Variants in DYNC1I1 observed in about 807,000 individuals in gnomAD.
DYNC1I1 encodes the protein dynein cytoplasmic 1 intermediate chain 1.
Under a neutral mutation model 86.6 loss-of-function variants are expected in DYNC1I1, and 43 were observed. That is an observed-to-expected ratio of 0.50 (90% CI 0.39 to 0.64). The LOEUF (loss-of-function observed/expected upper bound fraction) is 0.64, where lower values mean the gene tolerates loss of function less well. DYNC1I1 is among the 30% of genes least tolerant of loss of function. DYNC1I1 has a pLI of 0.00. For missense variants in DYNC1I1, 604 were observed against 788.8 expected (o/e 0.77, Z 2.81); for synonymous variants, 262 against 283.7 (o/e 0.92, Z 0.77).
chr7:95,829,517 A>G (rs1203220334), intron 5 of DYNC1I1, among the ~76,000 whole-genome samples: 1 of 152,178 alleles, frequency 6.6e-6, no homozygotes, highest in Non-Finnish European at 1.5e-5. Context: ...CAGTTCTTCA[A>G]AATTATATTG....
At chr7:96,029,741 T>C (rs1308656584) in intron 11 of DYNC1I1, among the ~76,000 whole-genome samples, 3 of 151,998 alleles carry the variant, frequency 2.0e-5, no homozygotes, top group Non-Finnish European at 4.4e-5. Context: ...AGAAACGCTG[T>C]CTCTACTAAA....
At chr7:96,075,906 C>T in intron 14 of DYNC1I1, 151 bp from the exon 15 acceptor site, 1 of 1,066,836 alleles carries the variant, frequency 9.4e-7, no homozygotes, top group Non-Finnish European at 1.3e-6. Context: ...CAGTTCTAGT[C>T]ACATTAAAGC....
At chr7:95,997,430 A>G (rs566138643) in intron 10 of DYNC1I1, among the ~76,000 whole-genome samples, 1 of 152,282 alleles carries the variant, frequency 6.6e-6, no homozygotes, top group South Asian at 2.1e-4. Context: ...AAATCCAACA[A>G]TAATACATTA....
intron 10 of DYNC1I1, among the ~76,000 whole-genome samples, chr7:96,019,086 A>C (rs972266377): frequency 3.3e-5 from 5 of 152,144 alleles, no homozygotes; most frequent in Non-Finnish European, 7.4e-5. Context: ...GTATATATCT[A>C]TGGTATACAA....
At chr7:95,981,281 A>C (rs1793451683) in intron 7 of DYNC1I1, among the ~76,000 whole-genome samples, 1 of 152,156 alleles carries the variant, frequency 6.6e-6, no homozygotes, top group Non-Finnish European at 1.5e-5. Context: ...AGAAACTGAC[A>C]AAGTATACAT....
chr7:95,883,951 GC>G (rs1207152547), intron 6 of DYNC1I1, among the ~76,000 whole-genome samples: 1 of 151,866 alleles, frequency 6.6e-6, no homozygotes, highest in African/African-American at 2.4e-5. Context: ...AAGATTTTTT[GC>G]ATTTTTGAAT....
At chr7:95,908,636 G>T (rs576724337) in intron 6 of DYNC1I1, among the ~76,000 whole-genome samples, 1 of 152,124 alleles carries the variant, frequency 6.6e-6, no homozygotes, top group Non-Finnish European at 1.5e-5. Context: ...GGCGAGGGGT[G>T]GGGGTTCATC....
chr7:95,836,846 G>A (rs569208373), intron 5 of DYNC1I1, among the ~76,000 whole-genome samples: 1 of 151,878 alleles, frequency 6.6e-6, no homozygotes, highest in African/African-American at 2.4e-5. Flanking sequence ...TCTCTGTATT[G>A]GTTATTCTAG....
chr7:96,070,847 T>A (rs747183855), intron 14 of DYNC1I1, among the ~76,000 whole-genome samples: 3 of 152,222 alleles, frequency 2.0e-5, no homozygotes, highest in Non-Finnish European at 4.4e-5. Flanking sequence ...TCTCTAGATT[T>A]AACTTTGGCA....
At chr7:95,871,491 T>C (rs1380401144) in intron 6 of DYNC1I1, among the ~76,000 whole-genome samples, 1 of 152,202 alleles carries the variant, frequency 6.6e-6, no homozygotes, top group Non-Finnish European at 1.5e-5. Flanking sequence ...AAACATTTGT[T>C]TGACTTAATT....
At chr7:95,830,936 T>C (rs1037206403) in intron 5 of DYNC1I1, among the ~76,000 whole-genome samples, 1 of 152,136 alleles carries the variant, frequency 6.6e-6, no homozygotes, top group Non-Finnish European at 1.5e-5. Flanking sequence ...GGTATTTCAT[T>C]GTGGTTTTAA....
chr7:95,804,582 A>G (rs1051198426), intron 1 of DYNC1I1, 139 bp from the exon 2 acceptor site: 2 of 1,031,190 alleles, frequency 1.9e-6, no homozygotes, highest in African/African-American at 1.6e-5. Context: ...ATTCTTTCAC[A>G]TAGGCTAAAT....
At chr7:96,028,353 C>T in intron 11 of DYNC1I1, 32 bp downstream of exon 11, 2 of 1,567,960 alleles carry the variant, frequency 1.3e-6, no homozygotes, top group Non-Finnish European at 1.7e-6. Context: ...TCCCTGTGAG[C>T]CGCCAGGCCC....
At chr7:95,951,654 A>C (rs1040233812) in intron 6 of DYNC1I1, among the ~76,000 whole-genome samples, 21 of 152,186 alleles carry the variant, frequency 1.4e-4, no homozygotes, top group African/African-American at 4.8e-4. Context: ...CCTCTAGTTC[A>C]TGAAATGGGA....
At chr7:95,917,611 G>A (rs1230370612) in intron 6 of DYNC1I1, among the ~76,000 whole-genome samples, 1 of 152,152 alleles carries the variant, frequency 6.6e-6, no homozygotes, top group Non-Finnish European at 1.5e-5. Context: ...TGCTGAAGAC[G>A]TTGTGGTGAA....
chr7:96,103,820 G>C (rs1791173257), intron 16 of DYNC1I1, among the ~76,000 whole-genome samples: 2 of 152,066 alleles, frequency 1.3e-5, no homozygotes, highest in African/African-American at 2.4e-5. Flanking sequence ...TACCGTGTTA[G>C]CAAGGATGGT....
chr7:95,961,332 T>G (rs1264293657), intron 6 of DYNC1I1, among the ~76,000 whole-genome samples: 1 of 152,168 alleles, frequency 6.6e-6, no homozygotes. Context: ...TGGCAATGGC[T>G]CATCCATTCA....
chr7:95,948,634 G>A (rs985227663), intron 6 of DYNC1I1, among the ~76,000 whole-genome samples: 1 of 152,136 alleles, frequency 6.6e-6, no homozygotes, highest in African/African-American at 2.4e-5. Flanking sequence ...TAATATCAAA[G>A]CTAACATTTA....
intron 14 of DYNC1I1, among the ~76,000 whole-genome samples, chr7:96,064,210 A>C (rs1034730063): frequency 4.6e-4 from 65 of 141,026 alleles, no homozygotes; most frequent in South Asian, 1.5e-3. Context: ...AAATATTCAT[A>C]TCTCTCTCTC....
Sources: gnomAD v4.1 joint callset for allele counts (sites outside exome capture counted in the v4.1 genomes callset) on GRCh38, gnomAD v4.1.1 for gene constraint, MANE v1.5 for transcripts, NCBI Gene and HGNC (gene_info 2026-07-23, HGNC 2026-07-21) for gene names.